Variants in WDR43 observed in about 807,000 individuals in gnomAD.
The protein encoded by WDR43 is WD repeat-containing protein 43.
In WDR43, 13 loss-of-function variants were observed where a neutral mutation model predicts 91.4. That is an observed-to-expected ratio of 0.14 (90% CI 0.09 to 0.23). WDR43 has a LOEUF of 0.23. Among genes scored for constraint, WDR43 ranks in the 10% least tolerant of loss-of-function variants. WDR43 has a pLI of 1.00. For synonymous variants in WDR43, 331 were observed against 287.9 expected (o/e 1.15, Z -1.51); for missense variants, 780 against 809.4 (o/e 0.96, Z 0.44).
At chr2:28,909,648 G>A (rs926325786) in intron 3 of WDR43, among the ~76,000 whole-genome samples, 30 of 152,164 alleles carry the variant, frequency 2.0e-4, no homozygotes, top group African/African-American at 7.2e-4. Context: ...TGAGGTGGAA[G>A]GATTGCTTGA....
chr2:28,931,089 T>TTC (rs1671231026), intron 11 of WDR43, among the ~76,000 whole-genome samples: 1 of 151,754 alleles, frequency 6.6e-6, no homozygotes, highest in South Asian at 2.1e-4. Flanking sequence ...TTTTTTTTTT[T>TTC]TTTGGAGATA....
At chr2:28,940,080 C>T (rs561268514) in intron 14 of WDR43, among the ~76,000 whole-genome samples, 28 of 140,766 alleles carry the variant, frequency 2.0e-4, no homozygotes, top group African/African-American at 6.1e-4. Context: ...GCACTGCACT[C>T]CAGCCTGGGC....
At chr2:28,906,626 A>C in intron 3 of WDR43, 45 bp downstream of exon 3, 1 of 1,589,180 alleles carries the variant, frequency 6.3e-7, no homozygotes, top group Non-Finnish European at 8.6e-7. Context: ...GACGTGGATA[A>C]ATGCTGGACT....
At position 28,894,760 on chromosome 2, in the gene WDR43, T is replaced by A; in HGVS notation, c.62T>A (p.Phe21Tyr). 2 of 1,601,858 alleles carry A rather than the reference T, an allele frequency of 1.2e-6. No homozygotes were observed. Among genetic ancestry groups the A allele is most frequent in the Non-Finnish European group, 1.7e-6 (2 of 1,174,732 alleles). ...PLAPAGVPCA[F>Y]SPHSQAYFAL... ...GCCCCTGCTGGGGTCCCTTGCGCCT[T>A]CTCCCCGCACAGCCAGGCCTACTTC... The change falls in exon 1 of 18, where the codon TTC becomes TAC. Residue 21 changes from phenylalanine (F) to tyrosine (Y), a missense_variant. Transcript: ENST00000407426.
intron 16 of WDR43, among the ~76,000 whole-genome samples, chr2:28,945,249 TC>T (rs1457575779): frequency 1.3e-5 from 2 of 152,176 alleles, no homozygotes; most frequent in African/African-American, 4.8e-5. Flanking sequence ...AAAATAGGAA[TC>T]CCATTCTGTA....
intron 2 of WDR43, 80 bp from the exon 3 acceptor site, chr2:28,906,379 TG>T (rs1670678904): frequency 1.9e-5 from 26 of 1,383,526 alleles, no homozygotes; most frequent in Non-Finnish European, 2.3e-5. Context: ...CCCAGCATCT[TG>T]GGAGAGCGAG....
intron 6 of WDR43, among the ~76,000 whole-genome samples, chr2:28,920,112 C>T (rs754738407): frequency 4.3e-4 from 66 of 151,854 alleles, no homozygotes; most frequent in Non-Finnish European, 8.8e-4. Flanking sequence ...TCCCAAAGTG[C>T]TGTAATTACA....
intron 16 of WDR43, among the ~76,000 whole-genome samples, chr2:28,945,486 G>T (rs1293715588): frequency 1.3e-5 from 2 of 152,206 alleles, no homozygotes; most frequent in African/African-American, 4.8e-5. Context: ...TTGGTGAAGA[G>T]ACTGGGAAGT....
In WDR43 at chr2:28,899,873, G is replaced by A. The variant is rs1670547649; in HGVS notation, c.226-2114G>A. Among the ~76,000 whole-genome samples, 3 of 152,098 alleles carry A rather than the reference G, an allele frequency of 2.0e-5. No homozygotes were observed. The South Asian group carries it at 6.2e-4, about 31-fold the overall frequency. ...TGAGTTCTTTAAGTTCAATAAATTG[G>A]AGTAATATTTAGGTTTAGACCAGTT... is the stretch of plus-strand genomic sequence containing the variant. On this transcript the variant is annotated intron_variant, in intron 1 of 17. Transcript: ENST00000407426.
chr2:28,926,638 C>G lies in WDR43; in HGVS notation c.1173+84C>G, dbSNP rs114456100. 50,336 of 1,210,478 alleles carry G rather than the reference C, an allele frequency of 0.042. 1,217 individuals carry two copies. Among genetic ancestry groups the G allele is most frequent in the Non-Finnish European group, 0.05 (43,634 of 878,342 alleles). 75.0% of individuals were successfully genotyped at this position (1,210,478 alleles called of 1,614,324 possible). Reference sequence around the variant, plus strand: ...ACTGTTACTTAGTATTATGATTAAACTGAGTTTTTTATTCTTTAATATCTT... The same window carrying G: ...ACTGTTACTTAGTATTATGATTAAAGTGAGTTTTTTATTCTTTAATATCTT... On this transcript the variant is annotated intron_variant, in intron 9 of 17. Coordinates refer to ENST00000407426, the MANE Select transcript of WDR43 (RefSeq NM_015131.3).
intron 5 of WDR43, among the ~76,000 whole-genome samples, chr2:28,916,567 A>C (rs1193699510): frequency 6.6e-6 from 1 of 152,094 alleles, no homozygotes; most frequent in African/African-American, 2.4e-5. Context: ...TGAAAAGATT[A>C]TCTCTGCTGA....
intron 11 of WDR43, among the ~76,000 whole-genome samples, chr2:28,930,989 C>T (rs1671228288): frequency 6.6e-6 from 1 of 151,784 alleles, no homozygotes; most frequent in Non-Finnish European, 1.5e-5. Flanking sequence ...TCCATTGTTG[C>T]ACCTCAAAAA....
intron 11 of WDR43, among the ~76,000 whole-genome samples, chr2:28,933,523 T>C (rs575921565): frequency 6.6e-6 from 1 of 152,318 alleles, no homozygotes; most frequent in Admixed American, 6.5e-5. Context: ...AAGAAAAAAT[T>C]GGTCATTTGA....
At chr2:28,909,959 G>A (rs1572584226) in intron 3 of WDR43, among the ~76,000 whole-genome samples, 1 of 152,176 alleles carries the variant, frequency 6.6e-6, no homozygotes, top group Non-Finnish European at 1.5e-5. Context: ...TTGGGAAGCC[G>A]TCAAATGCCA....
chr2:28,923,432 TG>T (rs1341114030), intron 7 of WDR43, among the ~76,000 whole-genome samples: 1 of 152,216 alleles, frequency 6.6e-6, no homozygotes, highest in African/African-American at 2.4e-5. Context: ...AGACCATTTG[TG>T]GTCTGGAGAA....
intron 3 of WDR43, among the ~76,000 whole-genome samples, chr2:28,912,140 C>T (rs1670813539): frequency 6.6e-6 from 1 of 152,052 alleles, no homozygotes; most frequent in Non-Finnish European, 1.5e-5. Context: ...TTAGAGAAAT[C>T]GTTTGTGTTA....
At chr2:28,901,854 A>G in intron 1 of WDR43, 133 bp from the exon 2 acceptor site, 1 of 870,182 alleles carries the variant, frequency 1.1e-6, no homozygotes, top group South Asian at 2.1e-5. Flanking sequence ...GTGAGAAGTA[A>G]ATCACCCAAT....
At chr2:28,930,766 C>G (rs1010975469) in intron 11 of WDR43, among the ~76,000 whole-genome samples, 4 of 152,108 alleles carry the variant, frequency 2.6e-5, no homozygotes, top group South Asian at 2.1e-4. Context: ...TATTAAGAAA[C>G]AGTTCAAAAC....
chr2:28,905,003 T>C (rs1670651180), intron 2 of WDR43: 1 of 152,152 alleles, frequency 6.6e-6, no homozygotes, highest in Admixed American at 6.5e-5. Context: ...TCCAGCAGTG[T>C]TGGGAAGGCC....
Sources: gnomAD v4.1 joint callset for allele counts (sites outside exome capture counted in the v4.1 genomes callset) on GRCh38, gnomAD v4.1.1 for gene constraint, MANE v1.5 for transcripts, NCBI Gene and HGNC (gene_info 2026-07-23, HGNC 2026-07-21) for gene names.